SLC16A10: variants seen among roughly 807,000 people sequenced by gnomAD.
SLC16A10 encodes the protein solute carrier family 16 member 10.
SLC16A10 carries 27 observed loss-of-function variants against 40.0 expected under a neutral mutation model. The observed-to-expected ratio is 0.67, with a 90% CI of 0.50 to 0.93. The LOEUF is 0.93. Ranked by LOEUF, SLC16A10 falls within the 40% of genes least tolerant of loss-of-function variation. SLC16A10 has a pLI of 0.00. For missense variants in SLC16A10, 529 were observed against 658.2 expected (o/e 0.80, Z 2.15); for synonymous variants, 213 against 249.8 (o/e 0.85, Z 1.39).
At position 111,177,227 on chromosome 6, in the gene SLC16A10, G is replaced by A; in HGVS notation, c.504G>A (p.Leu168=). 6.4e-7 allele frequency: 1 copy of A among 1,553,840 alleles called. No homozygotes were observed. Among genetic ancestry groups the A allele is most frequent in the Non-Finnish European group, 8.7e-7 (1 of 1,153,194 alleles). The change falls in exon 3 of 6, where the codon CTG becomes CTA. Residue 168 remains leucine (L), a synonymous_variant. Coordinates refer to ENST00000368851, the MANE Select transcript of SLC16A10 (RefSeq NM_018593.5). ...SSSFVSSIEP[L]YLTYGIIFAC... Reference sequence around the variant, plus strand: ...CTTTATACAGTTCCATCGAGCCTCTGTACCTTACCTATGGAATCATATTTG... The same window carrying A: ...CTTTATACAGTTCCATCGAGCCTCTATACCTTACCTATGGAATCATATTTG...
rs768653107 is a variant in SLC16A10 at position 111,222,426 on chromosome 6, T to A, written c.*191T>A. ...TAAATATCTCTGATGTTTCCATGAG[T>A]CTGAGGGCAGAGACTCTGGTATATG... is the stretch of plus-strand genomic sequence containing the variant. On this transcript the variant is annotated 3_prime_UTR_variant, in exon 6 of 6. Transcript: ENST00000368851. 7 of 615,076 alleles carry A rather than the reference T, an allele frequency of 1.1e-5. No homozygotes were observed. Among genetic ancestry groups the A allele is most frequent in the Non-Finnish European group, 1.7e-5 (7 of 400,844 alleles). 38.1% of individuals were successfully genotyped at this position (615,076 alleles called of 1,614,324 possible). A position where few individuals can be genotyped will look rare whatever the true frequency, so the allele number is the denominator to read the frequency against.
At chr6:111,175,671 A>T (rs1772666470) in intron 2 of SLC16A10, among the ~76,000 whole-genome samples, 1 of 151,658 alleles carries the variant, frequency 6.6e-6, no homozygotes, top group East Asian at 1.9e-4. Flanking sequence ...TTGTTTCTTT[A>T]AGCAGACTAT....
chr6:111,141,450 G>A (rs963649130), intron 1 of SLC16A10, among the ~76,000 whole-genome samples: 13 of 152,092 alleles, frequency 8.5e-5, no homozygotes, highest in Non-Finnish European at 1.8e-4. Context: ...ATCACCTGGG[G>A]TCAGGAGTTC....
In SLC16A10 at chr6:111,087,612, C is replaced by T. The variant is rs1228060043; in HGVS notation, c.-141C>T. The T allele has an allele frequency of 7.7e-6, 3 of 387,134 alleles. No homozygotes were observed. Among genetic ancestry groups the T allele is most frequent in the South Asian group, 2.5e-4 (2 of 7,860 alleles). 24.0% of individuals were successfully genotyped at this position (387,134 alleles called of 1,614,324 possible). A position where few individuals can be genotyped will look rare whatever the true frequency, so the allele number is the denominator to read the frequency against. On this transcript the variant is annotated 5_prime_UTR_variant, in exon 1 of 6. Coordinates refer to ENST00000368851, the MANE Select transcript of SLC16A10 (RefSeq NM_018593.5). ...TGCGCGCTGGCCGCCTGCGCGCTGC[C>T]AGCCCGCCCGCCCGCCAGGGGCTCC... is the stretch of plus-strand genomic sequence containing the variant.
intron 1 of SLC16A10, among the ~76,000 whole-genome samples, chr6:111,168,668 G>T (rs1772523792): frequency 6.6e-6 from 1 of 152,202 alleles, no homozygotes; most frequent in Non-Finnish European, 1.5e-5. Context: ...TCTTGAATTT[G>T]ATCAGAAGAC....
At chr6:111,179,064 G>C (rs1029440684) in intron 3 of SLC16A10, among the ~76,000 whole-genome samples, 3 of 151,320 alleles carry the variant, frequency 2.0e-5, no homozygotes, top group Non-Finnish European at 4.4e-5. Context: ...AGTTGCTCAG[G>C]CTGGCTTCAA....
chr6:111,163,354 G>A (rs909795849), intron 1 of SLC16A10, among the ~76,000 whole-genome samples: 64 of 151,168 alleles, frequency 4.2e-4, no homozygotes, highest in African/African-American at 1.2e-3. Context: ...GGGTTTCACC[G>A]TTTTAGCCGG....
chr6:111,206,222 A>G (rs533409354), intron 3 of SLC16A10, among the ~76,000 whole-genome samples: 9 of 151,850 alleles, frequency 5.9e-5, no homozygotes, highest in African/African-American at 1.9e-4. Flanking sequence ...GATTACAGGC[A>G]TGCGTCACCA....
At chr6:111,104,849 C>T (rs972466338) in intron 1 of SLC16A10, among the ~76,000 whole-genome samples, 62 of 151,750 alleles carry the variant, frequency 4.1e-4, no homozygotes, top group African/African-American at 1.5e-3. Context: ...AAAGTATGGC[C>T]GCACTGAGAT....
At chr6:111,092,358 C>T (rs140977101) in intron 1 of SLC16A10, among the ~76,000 whole-genome samples, 1,382 of 122,126 alleles carry the variant, frequency 0.011, 5 homozygotes, top group African/African-American at 0.022. Flanking sequence ...CTCACTCTGT[C>T]GCCCAGGCTG....
chr6:111,172,880 T>G (rs1261471042), intron 2 of SLC16A10, 41 bp downstream of exon 2: 1 of 1,598,400 alleles, frequency 6.3e-7, no homozygotes, highest in African/African-American at 1.3e-5. Flanking sequence ...TAAAAACTGT[T>G]AGATACCTTA....
At chr6:111,179,385 G>A (rs1025458526) in intron 3 of SLC16A10, among the ~76,000 whole-genome samples, 6 of 152,162 alleles carry the variant, frequency 3.9e-5, no homozygotes, top group African/African-American at 7.2e-5. Context: ...TAATAGAGAC[G>A]TTAAGTGATT....
At chr6:111,200,711 G>A (rs1251861772) in intron 3 of SLC16A10, among the ~76,000 whole-genome samples, 1 of 152,122 alleles carries the variant, frequency 6.6e-6, no homozygotes, top group Non-Finnish European at 1.5e-5. Flanking sequence ...ATTAACCCAC[G>A]CTTGCAGGCT....
chr6:111,093,760 G>A (rs1771025124), intron 1 of SLC16A10, among the ~76,000 whole-genome samples: 1 of 151,996 alleles, frequency 6.6e-6, no homozygotes, highest in Non-Finnish European at 1.5e-5. Context: ...TTCACTATAA[G>A]AAAAATACCT....
At chr6:111,169,783 T>C (rs1462440969) in intron 1 of SLC16A10, among the ~76,000 whole-genome samples, 1 of 152,260 alleles carries the variant, frequency 6.6e-6, no homozygotes. Context: ...AGAAGCTATA[T>C]TTGATTATAT....
intron 1 of SLC16A10, among the ~76,000 whole-genome samples, chr6:111,141,513 T>C (rs1440715480): frequency 6.6e-6 from 1 of 151,600 alleles, no homozygotes; most frequent in African/African-American, 2.4e-5. Context: ...AAATACAAAA[T>C]AAGTTGGGTG....
Position 111,222,086 on chromosome 6 carries a change from T to G in SLC16A10, c.1399T>G (p.Cys467Gly). ...TCCCCTTATTGGAGGTGCTGTGCTT[T>G]GTTTTATCCCGTGGATCCATAGTAA... is the stretch of plus-strand genomic sequence containing the variant. ...VPPLIGGAVL[C>G]FIPWIHSKKQ... Residue 467 changes from cysteine (C) to glycine (G), a missense_variant, in exon 6 of 6, where the codon TGT (cysteine) becomes GGT (glycine). Cys to Gly is a radical substitution (Grantham distance 159). Transcript: ENST00000368851. 6.2e-7 allele frequency: 1 copy of G among 1,609,770 alleles called. No homozygotes were observed. The highest frequency in any genetic ancestry group is 1.1e-5 in the South Asian group (1 of 90,090).
At position 111,087,539 on chromosome 6, in the gene SLC16A10, T is replaced by G. The variant is rs1429392802; in HGVS notation, c.-214T>G. 53 of 203,954 alleles carry G rather than the reference T, an allele frequency of 2.6e-4. 1 individual carries two copies. In the East Asian group the frequency reaches 6.7e-3, roughly 26 times the overall value. The allele number at this position is 203,954 out of a possible 1,614,324, so 12.6% of individuals were successfully genotyped here. On this transcript the variant is annotated 5_prime_UTR_variant, in exon 1 of 6. Transcript: ENST00000368851. Reference sequence around the variant, plus strand: ...CGGGGCTGTGACCTAGAGGCTTCAGTGTCGATCCCCGAGGTGTTCGCGCGC... The same window carrying G: ...CGGGGCTGTGACCTAGAGGCTTCAGGGTCGATCCCCGAGGTGTTCGCGCGC...
At chr6:111,142,589 G>C (rs187664241) in intron 1 of SLC16A10, among the ~76,000 whole-genome samples, 202 of 152,274 alleles carry the variant, frequency 1.3e-3, no homozygotes, top group Non-Finnish European at 2.2e-3. Flanking sequence ...CATCAAAGAA[G>C]ATATATAGAT....
Sources: gnomAD v4.1 joint callset for allele counts (sites outside exome capture counted in the v4.1 genomes callset) on GRCh38, gnomAD v4.1.1 for gene constraint, MANE v1.5 for transcripts, NCBI Gene and HGNC (gene_info 2026-07-23, HGNC 2026-07-21) for gene names.